MGAM: variants seen among roughly 807,000 people sequenced by gnomAD.
MGAM encodes maltase-glucoamylase.
MGAM carries 253 observed loss-of-function variants against 358.8 expected under a neutral mutation model. The ratio of observed to expected loss-of-function variants is 0.71; its 90% CI spans 0.64 to 0.78. MGAM has a LOEUF of 0.78. Ranked by LOEUF, MGAM falls within the 30% of genes least tolerant of loss-of-function variation. The probability of loss-of-function intolerance (pLI) is 0.00; values close to 1 mark genes in which losing one functional copy is unlikely to be tolerated. For missense variants in MGAM, 3,080 were observed against 3,432.6 expected, an observed-to-expected ratio of 0.90 and a Z score of 2.57; for synonymous variants, 1,105 against 1,227.1, an observed-to-expected ratio of 0.90 and a Z score of 2.08.
intron 8 of MGAM, among the ~76,000 whole-genome samples, chr7:142,026,113 C>T (rs564872442): frequency 1.3e-5 from 2 of 152,068 alleles, no homozygotes; most frequent in East Asian, 3.9e-4. Context: ...GCATTTTATT[C>T]CTAGATACGA....
chr7:142,054,612 A>T, intron 26 of MGAM, 142 bp from the exon 27 acceptor site: 1 of 939,488 alleles, frequency 1.1e-6, no homozygotes, highest in South Asian at 1.9e-5. Flanking sequence ...TTGTTATCTG[A>T]TATATTAATT....
rs1434778300 is a variant in MGAM at position 142,080,812 on chromosome 7, C to A, written c.5869C>A (p.Arg1957=). 1 of 1,555,160 alleles carries A rather than the reference C, an allele frequency of 6.4e-7. No individual in the cohort carries two copies. The highest frequency in any genetic ancestry group is 1.1e-5 in the South Asian group (1 of 89,084). ...QFKIYDPNNN[R]YEVPVPLNIP... is the part of the protein sequence containing the mutation. ...CTAGATTTATGATCCCAACAACAAT[C>A]GGTATGAAGTTCCAGTCCCTCTGAA... Residue 1957 remains arginine (R), a synonymous_variant, in exon 50 of 71, where the codon CGG becomes AGG. Coordinates refer to ENST00000475668, the MANE Select transcript of MGAM (RefSeq NM_001365693.1).
In MGAM at chr7:142,005,679, C is replaced by T. The variant is rs372485188; in HGVS notation, c.127+22C>T. 181 of 1,593,898 alleles carry T rather than the reference C, an allele frequency of 1.1e-4. 4 individuals carry two copies. Among genetic ancestry groups the T allele is most frequent in the East Asian group, 4.5e-4 (20 of 44,280 alleles). On this transcript the variant is annotated intron_variant, in intron 2 of 70. Coordinates refer to ENST00000475668, the MANE Select transcript of MGAM (RefSeq NM_001365693.1). ...ACAGGTAAGAAGTAACTCTGGGGCTCTCTCCATATGTTGTTTTTATTAGAG... is the reference window on the plus strand; with the variant it reads ...ACAGGTAAGAAGTAACTCTGGGGCTTTCTCCATATGTTGTTTTTATTAGAG...
At chr7:142,049,524 T>C (rs1810731136) in intron 22 of MGAM, among the ~76,000 whole-genome samples, 1 of 152,058 alleles carries the variant, frequency 6.6e-6, no homozygotes, top group Admixed American at 6.6e-5. Context: ...AACTACAGAA[T>C]GGATAAAAAT....
chr7:142,063,601 C>G lies in MGAM; in HGVS notation c.4345+15C>G. ...CTACATGCCACGTAAGAAGCCTTGG[C>G]CTCCTTGACTGGCAGAGCCATGACT... On this transcript the variant is annotated intron_variant, in intron 36 of 70. Coordinates refer to ENST00000475668, the MANE Select transcript of MGAM (RefSeq NM_001365693.1). 6.2e-7 allele frequency: 1 copy of G among 1,611,408 alleles called. No individual in the cohort carries two copies. The highest frequency in any genetic ancestry group is 1.1e-5 in the South Asian group (1 of 90,518).
At chr7:142,078,698 T>G in intron 48 of MGAM, 110 bp from the exon 49 acceptor site, 1 of 1,190,910 alleles carries the variant, frequency 8.4e-7, no homozygotes. Flanking sequence ...AAGTGATAAG[T>G]GATAGGCTGG....
At chr7:142,045,463 A>G (rs1481626513) in intron 21 of MGAM, among the ~76,000 whole-genome samples, 1 of 111,840 alleles carries the variant, frequency 8.9e-6, no homozygotes, top group Admixed American at 1.2e-4. Flanking sequence ...TACATGATAT[A>G]TTATATATAT....
At chr7:142,003,968 T>C (rs1290659467) in intron 1 of MGAM, among the ~76,000 whole-genome samples, 1 of 151,878 alleles carries the variant, frequency 6.6e-6, no homozygotes, top group African/African-American at 2.4e-5. Context: ...ATCAGAGAAA[T>C]GCAAATTAAA....
chr7:142,002,930 C>G (rs1410860591), intron 1 of MGAM, among the ~76,000 whole-genome samples: 7 of 151,900 alleles, frequency 4.6e-5, no homozygotes, highest in Non-Finnish European at 1.0e-4. Flanking sequence ...TTCCATACAC[C>G]AGTAACAATC....
chr7:142,065,192 A>G lies in MGAM; in HGVS notation c.4485-143A>G, dbSNP rs558726276. 188 of 1,152,976 alleles carry G rather than the reference A, an allele frequency of 1.6e-4. 1 individual carries two copies. The African/African-American group carries it at 2.7e-3, about 16-fold the overall frequency. The allele number at this position is 1,152,976 out of a possible 1,614,324, so 71.4% of individuals were successfully genotyped here. On this transcript the variant is annotated intron_variant, in intron 37 of 70. Coordinates refer to ENST00000475668, the MANE Select transcript of MGAM (RefSeq NM_001365693.1). ...ATCTCCATCATCTGGGATCAGTGGA[A>G]CTCCTATTACAGCTCAGAGTCCCAT...
chr7:142,063,493 T>C lies in MGAM; in HGVS notation c.4258-6T>C. 1 of 1,613,020 alleles carries C rather than the reference T, an allele frequency of 6.2e-7. No individual in the cohort carries two copies. The highest frequency in any genetic ancestry group is 8.5e-7 in the Non-Finnish European group (1 of 1,179,484). Reference sequence around the variant, plus strand: ...AGTGAGGTATGTCTGTGTTTGGCATTTCTAGGATATGAATGAACCATCAAG... The same window carrying C: ...AGTGAGGTATGTCTGTGTTTGGCATCTCTAGGATATGAATGAACCATCAAG... On this transcript the variant is annotated splice_region_variant and splice_polypyrimidine_tract_variant and intron_variant, in intron 35 of 70. Coordinates refer to ENST00000475668, the MANE Select transcript of MGAM (RefSeq NM_001365693.1).
At position 142,070,241 on chromosome 7, in the gene MGAM, A is replaced by G. The variant is rs951811998; in HGVS notation, c.5062-753A>G. Among the ~76,000 whole-genome samples, 40 of 145,526 alleles carry G rather than the reference A, an allele frequency of 2.7e-4. 8 individuals are homozygous for G. Among genetic ancestry groups the G allele is most frequent in the Middle Eastern group, 3.5e-3 (1 of 282 alleles). On this transcript the variant is annotated intron_variant, in intron 43 of 70. Transcript: ENST00000475668. ...GATGAAATTTTTAATGTTTAATTAA[A>G]ATGAAGATGAATCTCATAATTAGGA...
rs564836538 is a variant in MGAM, at chr7:142,052,596, A to T, written c.2958+150A>T. The T allele has an allele frequency of 1.8e-5, 23 of 1,308,530 alleles. No homozygotes were observed. The South Asian group carries it at 3.4e-4, about 20-fold the overall frequency. 81.1% of individuals were successfully genotyped at this position (1,308,530 alleles called of 1,614,324 possible). On this transcript the variant is annotated intron_variant, in intron 25 of 70. Coordinates refer to ENST00000475668, the MANE Select transcript of MGAM (RefSeq NM_001365693.1). ...ATCTAGATGTGACAAGTAGGTGGGG[A>T]CATGTGCGAAACTTCTTAAGATGAA... is the stretch of plus-strand genomic sequence containing the variant.
At position 142,000,676 on chromosome 7, in the gene MGAM, T is replaced by C. The variant is rs1330429612; in HGVS notation, c.-3+4746T>C. Among the ~76,000 whole-genome samples the C allele has an allele frequency of 4.6e-5, 7 of 152,230 alleles. No homozygotes were observed. The East Asian group carries it at 1.3e-3, about 29-fold the overall frequency. ...TTGCTGTCTCTATGGATATTTACAC[T>C]TTTTTGCTATTACGTGTAATACTGT... is the stretch of plus-strand genomic sequence containing the variant. On this transcript the variant is annotated intron_variant, in intron 1 of 70. Coordinates refer to ENST00000475668, the MANE Select transcript of MGAM (RefSeq NM_001365693.1).
chr7:142,017,001 TCTGA>T (rs1173207722), intron 3 of MGAM, among the ~76,000 whole-genome samples: 1 of 152,254 alleles, frequency 6.6e-6, no homozygotes, highest in African/African-American at 2.4e-5. Context: ...TTAAATGTAA[TCTGA>T]CTATCTTTGT....
chr7:142,105,444 C>T (rs893771356), intron 70 of MGAM, among the ~76,000 whole-genome samples: 9 of 152,092 alleles, frequency 5.9e-5, no homozygotes, highest in Admixed American at 2.0e-4. Flanking sequence ...CCTGCCACCA[C>T]GCCTGGCTAA....
In MGAM at chr7:142,059,594, C is replaced by T. The variant is rs1311532319; in HGVS notation, c.3942C>T (p.Leu1314=). ...RMKADGMRVI[L]ILDPAISGNE... ...AGGCTGATGGGATGCGGGTCATCCT[C>T]ATTCTGGTTAGTCCTGATGTGAATG... The change falls in exon 32 of 71, where the codon CTC becomes CTT. Residue 1314 remains leucine, a synonymous_variant. Coordinates refer to ENST00000475668, the MANE Select transcript of MGAM (RefSeq NM_001365693.1). 2 of 1,612,140 alleles carry T rather than the reference C, an allele frequency of 1.2e-6. No individual in the cohort carries two copies. Among genetic ancestry groups the T allele is most frequent in the Non-Finnish European group, 1.7e-6 (2 of 1,178,652 alleles).
chr7:142,040,609 A>G (rs10215116), intron 20 of MGAM, 113 bp from the exon 21 acceptor site: 799,078 of 1,342,548 alleles, frequency 0.6, 240,681 homozygotes, highest in African/African-American at 0.73. Flanking sequence ...TGGCTAGACC[A>G]TAATTCAGCT....
chr7:142,094,421 C>T lies in MGAM; in HGVS notation c.7230C>T (p.Pro2410=). The T allele has an allele frequency of 6.5e-7, 1 of 1,535,148 alleles. No individual in the cohort carries two copies. The highest frequency in any genetic ancestry group is 8.9e-7 in the Non-Finnish European group (1 of 1,122,198). The change falls in exon 61 of 71, where the codon CCC becomes CCT. Residue 2410 remains proline, a synonymous_variant. Coordinates refer to ENST00000475668, the MANE Select transcript of MGAM (RefSeq NM_001365693.1). ...TCGTCATCACCCGCTCCACATTTCCCTCTTCTGGCCGCTGGGCAGGACATT... is the reference window on the plus strand; with the variant it reads ...TCGTCATCACCCGCTCCACATTTCCTTCTTCTGGCCGCTGGGCAGGACATT... ...RGVVITRSTF[P]SSGRWAGHWL...
Sources: allele counts gnomAD v4.1 joint callset (sites outside exome capture counted in the v4.1 genomes callset), GRCh38; gene constraint gnomAD v4.1.1; transcripts MANE v1.5; gene names NCBI Gene and HGNC (gene_info 2026-07-23, HGNC 2026-07-21).